L1TD1: variants seen among roughly 807,000 people sequenced by gnomAD.
The protein encoded by L1TD1 is LINE-1 type transposase domain-containing protein 1.
A neutral mutation model predicts 25.7 loss-of-function variants in L1TD1; 26 were observed. The ratio of observed to expected loss-of-function variants is 1.01; its 90% CI spans 0.74 to 1.40. The LOEUF is 1.40. Among genes scored for constraint, L1TD1 ranks in the 40% most tolerant of loss-of-function variants. The pLI is 0.00. For synonymous variants in L1TD1, 421 were observed against 335.6 expected (o/e 1.25, Z -2.78); for missense variants, 1,130 against 975.0 (o/e 1.16, Z -2.12).
In L1TD1 at chr1:62,207,146, G is replaced by C; in HGVS notation, c.518G>C (p.Ser173Thr). Residue 173 changes from serine (S) to threonine (T), a missense_variant, in exon 3 of 4, where the codon AGT (serine) becomes ACT (threonine). Coordinates refer to ENST00000498273, the MANE Select transcript of L1TD1 (RefSeq NM_019079.5). Reference protein sequence around the residue: ...GESRSYEVMGSMEETLCNIDD... With the variant: ...GESRSYEVMGTMEETLCNIDD... Reference sequence around the variant, plus strand: ...TCACGAAGTTACGAAGTCATGGGAAGTATGGAAGAAACCTTATGCAATATA... The same window carrying C: ...TCACGAAGTTACGAAGTCATGGGAACTATGGAAGAAACCTTATGCAATATA... 6.4e-7 allele frequency: 1 copy of C among 1,570,508 alleles called. No homozygotes were observed. Among genetic ancestry groups the C allele is most frequent in the African/African-American group, 1.4e-5 (1 of 74,004 alleles).
intron 2 of L1TD1, among the ~76,000 whole-genome samples, chr1:62,203,601 C>A (rs1032528054): frequency 6.6e-6 from 1 of 151,742 alleles, no homozygotes; most frequent in African/African-American, 2.4e-5. Flanking sequence ...TCTTTTGAGA[C>A]GGAGTCTCGC....
intron 2 of L1TD1, among the ~76,000 whole-genome samples, chr1:62,200,554 C>T (rs1445596612): frequency 2.0e-5 from 3 of 152,026 alleles, no homozygotes; most frequent in African/African-American, 7.2e-5. Flanking sequence ...ATAATCCCAT[C>T]GTGTGCATAA....
At chr1:62,208,914 T>G (rs1670805468) in intron 3 of L1TD1, among the ~76,000 whole-genome samples, 1 of 152,198 alleles carries the variant, frequency 6.6e-6, no homozygotes, top group African/African-American at 2.4e-5. Flanking sequence ...AATCAACAAA[T>G]TATTTAAGAA....
At chr1:62,201,296 C>G (rs1440532600) in intron 2 of L1TD1, among the ~76,000 whole-genome samples, 1 of 151,864 alleles carries the variant, frequency 6.6e-6, no homozygotes, top group African/African-American at 2.4e-5. Context: ...AAAATTTGTC[C>G]TTATGTGCCT....
intron 2 of L1TD1, among the ~76,000 whole-genome samples, chr1:62,204,448 A>C (rs1379133062): frequency 6.6e-6 from 1 of 152,254 alleles, no homozygotes; most frequent in Non-Finnish European, 1.5e-5. Context: ...TAGTCATTTT[A>C]AAATTTAAAT....
At position 62,210,317 on chromosome 1, in the gene L1TD1, G is replaced by T; in HGVS notation, c.1543G>T (p.Val515Phe). 2 of 1,614,110 alleles carry T rather than the reference G, an allele frequency of 1.2e-6. No homozygotes were observed. The highest frequency in any genetic ancestry group is 1.7e-6 in the Non-Finnish European group (2 of 1,180,026). ...RQKEIPFSYL[V>F]GDSGKKKLVK... ...AAAAGAAATTCCCTTTAGTTATTTG[G>T]TTGGGGACTCTGGGAAGAAAAAGTT... The change falls in exon 4 of 4, where the codon GTT (valine) becomes TTT (phenylalanine). Residue 515 changes from valine (V) to phenylalanine (F), a missense_variant. Val to Phe is a conservative substitution (Grantham distance 50). Coordinates refer to ENST00000498273, the MANE Select transcript of L1TD1 (RefSeq NM_019079.5).
chr1:62,195,754 TA>T (rs916915226), intron 1 of L1TD1, among the ~76,000 whole-genome samples: 2 of 142,376 alleles, frequency 1.4e-5, no homozygotes, highest in African/African-American at 5.3e-5. Context: ...CTGTCTCAAA[TA>T]AAAAAAGATG....
At position 62,211,683 on chromosome 1, in the gene L1TD1, T is replaced by G; in HGVS notation, c.*311T>G. 1 of 217,694 alleles carries G rather than the reference T, an allele frequency of 4.6e-6. No individual in the cohort carries two copies. Among genetic ancestry groups the G allele is most frequent in the Non-Finnish European group, 9.0e-6 (1 of 111,578 alleles). The allele number at this position is 217,694 out of a possible 1,614,324, so 13.5% of individuals were successfully genotyped here. A position where few individuals can be genotyped will look rare whatever the true frequency, so the allele number is the denominator to read the frequency against. Reference sequence around the variant, plus strand: ...TAGTCTTTTTAGAATTTATATTATCTGGCTGGGCACGGTGGCTCACACCTG... The same window carrying G: ...TAGTCTTTTTAGAATTTATATTATCGGGCTGGGCACGGTGGCTCACACCTG... On this transcript the variant is annotated 3_prime_UTR_variant, in exon 4 of 4. Coordinates refer to ENST00000498273, the MANE Select transcript of L1TD1 (RefSeq NM_019079.5).
At position 62,211,425 on chromosome 1, in the gene L1TD1, A is replaced by AG; in HGVS notation, c.*53_*54insG. The AG allele has an allele frequency of 1.3e-6, 2 of 1,521,646 alleles. No individual in the cohort carries two copies. Among genetic ancestry groups the AG allele is most frequent in the Non-Finnish European group, 1.8e-6 (2 of 1,140,336 alleles). 94.3% of individuals were successfully genotyped at this position (1,521,646 alleles called of 1,614,324 possible). ...CTTTCCTCCCCCAGCATGCATCCAA[A>AG]AATCAACAAGTAAAACGAAAATACA... On this transcript the variant is annotated 3_prime_UTR_variant, in exon 4 of 4. Transcript: ENST00000498273.
In L1TD1 at chr1:62,209,822, A is replaced by G. The variant is rs748517327; in HGVS notation, c.1048A>G (p.Ile350Val). 1.2e-6 allele frequency: 2 copies of G among 1,611,848 alleles called. No individual in the cohort carries two copies. Among genetic ancestry groups the G allele is most frequent in the Admixed American group, 3.4e-5 (2 of 59,510 alleles). Residue 350 changes from isoleucine to valine, a missense_variant, in exon 4 of 4, where the codon ATA becomes GTA. Ile to Val is a conservative substitution (Grantham distance 29, BLOSUM62 3). Transcript: ENST00000498273. ...AGACTCAAAGCATAGAGCTGGAGAA[A>G]TAACCAGTGATGGCTTGAGCTTCCT... ...LIDSKHRAGE[I>V]TSDGLSFLFL...
intron 2 of L1TD1, among the ~76,000 whole-genome samples, chr1:62,197,397 TTATATATATATATATA>T (rs10528649): frequency 0.066 from 5,310 of 80,814 alleles, 454 homozygotes; most frequent in African/African-American, 0.2. Flanking sequence ...AAAAAATAAA[TTATATATATATATATA>T]TATATATATA....
At position 62,210,356 on chromosome 1, in the gene L1TD1, G is replaced by C; in HGVS notation, c.1582G>C (p.Val528Leu). Residue 528 changes from valine to leucine, a missense_variant, in exon 4 of 4, where the codon GTG (valine) becomes CTG (leucine). Coordinates refer to ENST00000498273, the MANE Select transcript of L1TD1 (RefSeq NM_019079.5). The part of the protein sequence containing the change: ...SGKKKLVKHQ[V>L]VHKTQEEEET... ...GAAGAAAAAGTTGGTGAAACACCAGGTGGTGCACAAAACCCAGGAGGAAGA... is the reference window on the plus strand; with the variant it reads ...GAAGAAAAAGTTGGTGAAACACCAGCTGGTGCACAAAACCCAGGAGGAAGA... 1 of 1,613,970 alleles carries C rather than the reference G, an allele frequency of 6.2e-7. No homozygotes were observed. Among genetic ancestry groups the C allele is most frequent in the Middle Eastern group, 1.7e-4 (1 of 6,032 alleles).
chr1:62,208,556 T>C (rs920518237), intron 3 of L1TD1: 2 of 149,858 alleles, frequency 1.3e-5, no homozygotes, highest in Non-Finnish European at 3.0e-5. Flanking sequence ...CTGGGCTCAC[T>C]GCACCCTCCA....
chr1:62,211,477 A>G lies in L1TD1; in HGVS notation c.*105A>G. The G allele has an allele frequency of 1.1e-5, 17 of 1,490,046 alleles. No homozygotes were observed. The highest frequency in any genetic ancestry group is 1.5e-5 in the Non-Finnish European group (17 of 1,125,964). The allele number at this position is 1,490,046 out of a possible 1,614,324, so 92.3% of individuals were successfully genotyped here. ...TTCTACCCAGAAGGATGGACAGCTA[A>G]TAGCGTACTTGGGGATGAGGAGCAA... On this transcript the variant is annotated 3_prime_UTR_variant, in exon 4 of 4. Coordinates refer to ENST00000498273, the MANE Select transcript of L1TD1 (RefSeq NM_019079.5).
rs764849253 is a variant in L1TD1 at position 62,211,336 on chromosome 1, C to G, written c.2562C>G (p.Pro854=). Residue 854 remains proline (P), a synonymous_variant, in exon 4 of 4, where the codon CCC becomes CCG. Coordinates refer to ENST00000498273, the MANE Select transcript of L1TD1 (RefSeq NM_019079.5). Reference sequence around the variant, plus strand: ...TTAGAGATTATGTTTTGCATATGCCCACCTTGAGAGAATTACTGGGGAATA... The same window carrying G: ...TTAGAGATTATGTTTTGCATATGCCGACCTTGAGAGAATTACTGGGGAATA... ...EEFRDYVLHM[P]TLRELLGNNI... is the part of the protein sequence containing the mutation. The G allele has an allele frequency of 1.2e-6, 2 of 1,610,408 alleles. No homozygotes were observed.
At chr1:62,196,296 ACT>A (rs1670538580) in intron 1 of L1TD1, 137 bp from the exon 2 acceptor site, 1 of 152,068 alleles carries the variant, frequency 6.6e-6, no homozygotes, top group East Asian at 1.9e-4. Context: ...TACACCCCAG[ACT>A]CTGCTAATTG....
intron 1 of L1TD1, among the ~76,000 whole-genome samples, chr1:62,195,138 A>G (rs115585901): frequency 2.1e-5 from 3 of 143,036 alleles, no homozygotes; most frequent in African/African-American, 8.0e-5. Flanking sequence ...CTGGTCCAGG[A>G]GCGTGAGGTC....
intron 2 of L1TD1, among the ~76,000 whole-genome samples, chr1:62,206,030 C>A (rs1171256297): frequency 6.6e-6 from 1 of 152,218 alleles, no homozygotes. Flanking sequence ...CATGCCTGGC[C>A]AAGAAAGTCA....
intron 2 of L1TD1, among the ~76,000 whole-genome samples, chr1:62,205,388 TTTCTCTC>T (rs1557443425): frequency 1.9e-4 from 9 of 46,750 alleles, no homozygotes; most frequent in South Asian, 6.8e-4. Flanking sequence ...TCTCTCTCTC[TTTCTCTC>T]TCTCTCTCTC....
Sources: allele counts gnomAD v4.1 joint callset (sites outside exome capture counted in the v4.1 genomes callset), GRCh38; gene constraint gnomAD v4.1.1; transcripts MANE v1.5; gene names NCBI Gene and HGNC (gene_info 2026-07-23, HGNC 2026-07-21).